The following CSMD1 variants were observed in gnomAD, a reference collection of about 807,000 sequenced individuals.
The protein encoded by CSMD1 is CUB and sushi domain-containing protein 1.
Under a neutral mutation model 417.5 loss-of-function variants are expected in CSMD1, and 213 were observed. The observed-to-expected ratio is 0.51, with a 90% CI of 0.46 to 0.57. CSMD1 has a LOEUF of 0.57. Ranked by LOEUF, CSMD1 falls within the 20% of genes least tolerant of loss-of-function variation. The pLI is 0.00. For missense variants in CSMD1, 6,923 were observed against 4,529.7 expected (o/e 1.53, Z -15.17); for synonymous variants, 2,862 against 1,736.8 (o/e 1.65, Z -16.11).
chr8:4,971,279 T>G (rs1810221385), intron 1 of CSMD1, among the ~76,000 whole-genome samples: 1 of 152,110 alleles, frequency 6.6e-6, no homozygotes, highest in Non-Finnish European at 1.5e-5. Context: ...TTATAAATGC[T>G]CTCAACATGG....
intron 26 of CSMD1, among the ~76,000 whole-genome samples, chr8:3,272,825 T>C (rs1801966773): frequency 6.6e-6 from 1 of 150,478 alleles, no homozygotes; most frequent in Non-Finnish European, 1.5e-5. Flanking sequence ...CTTAAGGAGA[T>C]TTTGGGCTGA....
At chr8:4,752,161 C>T (rs1811373921) in intron 1 of CSMD1, among the ~76,000 whole-genome samples, 2 of 151,906 alleles carry the variant, frequency 1.3e-5, no homozygotes, top group Non-Finnish European at 2.9e-5. Flanking sequence ...TCTTTAGTTC[C>T]TTACCACTTC....
Position 3,255,454 on chromosome 8 carries a change from C to T in CSMD1, c.4154-25223G>A, listed in dbSNP as rs576777815. 2.4e-4 allele frequency among the ~76,000 whole-genome samples: 36 copies of T among 152,332 alleles called. No homozygotes were observed. In the South Asian group the frequency reaches 6.8e-3, roughly 29 times the overall value. On this transcript the variant is annotated intron_variant, in intron 26 of 69. Transcript: ENST00000635120. ...TCTGCTGCCTTTTGTTGTCTGTGCC[C>T]TGCCCCCAGAGGTGGAGCCTACAGA...
chr8:2,962,226 G>T (rs1237135415), intron 61 of CSMD1, among the ~76,000 whole-genome samples: 1 of 152,204 alleles, frequency 6.6e-6, no homozygotes, highest in East Asian at 1.9e-4. Context: ...TGAGGTCAGA[G>T]AACAAAGTCT....
intron 7 of CSMD1, among the ~76,000 whole-genome samples, chr8:3,694,866 C>T (rs1387022875): frequency 6.6e-6 from 1 of 151,986 alleles, no homozygotes; most frequent in African/African-American, 2.4e-5. Flanking sequence ...ATCCTAAAGA[C>T]CATAGAAACC....
intron 26 of CSMD1, among the ~76,000 whole-genome samples, chr8:3,279,505 T>C (rs535297305): frequency 6.6e-6 from 1 of 152,328 alleles, no homozygotes; most frequent in Non-Finnish European, 1.5e-5. Context: ...TTTTTTAAAA[T>C]GCCACATGGT....
intron 5 of CSMD1, among the ~76,000 whole-genome samples, chr8:3,803,533 G>C (rs981382836): frequency 1.3e-5 from 2 of 152,192 alleles, no homozygotes; most frequent in Admixed American, 1.3e-4. Flanking sequence ...GCTGGGCCCA[G>C]GACAGAGGTA....
At chr8:4,316,494 C>G (rs1798939681) in intron 3 of CSMD1, among the ~76,000 whole-genome samples, 1 of 151,954 alleles carries the variant, frequency 6.6e-6, no homozygotes, top group Admixed American at 6.6e-5. Flanking sequence ...ATTTTTGCAC[C>G]AACCTATACA....
chr8:4,867,212 C>T (rs1482780505), intron 1 of CSMD1, among the ~76,000 whole-genome samples: 4 of 152,000 alleles, frequency 2.6e-5, no homozygotes, highest in African/African-American at 9.7e-5. Context: ...CAATCATTTG[C>T]CAAGCTAAGA....
chr8:3,812,601 G>C (rs886469596), intron 5 of CSMD1, among the ~76,000 whole-genome samples: 4 of 152,130 alleles, frequency 2.6e-5, no homozygotes, highest in Non-Finnish European at 4.4e-5. Flanking sequence ...ACGCTATAAA[G>C]GGCCAAAATG....
chr8:4,977,978 A>C (rs1403181585), intron 1 of CSMD1, among the ~76,000 whole-genome samples: 1 of 152,180 alleles, frequency 6.6e-6, no homozygotes, highest in African/African-American at 2.4e-5. Context: ...TGCTGTATTT[A>C]CGAGGTTTCC....
At chr8:4,710,464 T>TTATA (rs10660998) in intron 1 of CSMD1, among the ~76,000 whole-genome samples, 45,710 of 144,620 alleles carry the variant, frequency 0.32, 8,162 homozygotes, top group Non-Finnish European at 0.41. Context: ...TAATGGAATA[T>TTATA]TATATATATA....
At chr8:4,169,626 G>C (rs957064494) in intron 3 of CSMD1, among the ~76,000 whole-genome samples, 2 of 152,046 alleles carry the variant, frequency 1.3e-5, no homozygotes, top group African/African-American at 2.4e-5. Flanking sequence ...AAGTGCATCA[G>C]TCCCTTGCTG....
chr8:4,074,647 A>G (rs1799728587), intron 3 of CSMD1, among the ~76,000 whole-genome samples: 1 of 152,138 alleles, frequency 6.6e-6, no homozygotes, highest in African/African-American at 2.4e-5. Context: ...AATGTGAAAT[A>G]TCCATCCTTT....
intron 1 of CSMD1, among the ~76,000 whole-genome samples, chr8:4,857,378 C>T (rs547291323): frequency 2.6e-5 from 4 of 151,930 alleles, no homozygotes; most frequent in African/African-American, 9.7e-5. Context: ...AGAGCAAACA[C>T]ATTCAAAAGC....
chr8:3,409,360 T>A lies in CSMD1; in HGVS notation c.1744+63A>T, dbSNP rs1563357959. ...AAATGGGCGGTCTGTGTCTTTCTCC[T>A]TTTCTCCCCTTGCAAGATCCTTGCA... On this transcript the variant is annotated intron_variant, in intron 13 of 69. Coordinates refer to ENST00000635120, the MANE Select transcript of CSMD1 (RefSeq NM_033225.6). The A allele has an allele frequency of 2.1e-6, 3 of 1,409,486 alleles. No homozygotes were observed. In the Middle Eastern group the frequency reaches 6.5e-4, roughly 304 times the overall value. 87.3% of individuals were successfully genotyped at this position (1,409,486 alleles called of 1,614,324 possible).
chr8:4,030,975 G>A lies in CSMD1; in HGVS notation c.610+930C>T, dbSNP rs146184398. On this transcript the variant is annotated intron_variant, in intron 4 of 69. Transcript: ENST00000635120. ...CGTAACAAGAATCACCTTTGGTCCA[G>A]TTATGAACAAGTTTCTCATCTCCAT... Among the ~76,000 whole-genome samples, 153 of 152,260 alleles carry A rather than the reference G, an allele frequency of 1.0e-3. 1 individual carries two copies. The highest frequency in any genetic ancestry group is 3.6e-3 in the African/African-American group (151 of 41,556).
chr8:3,624,532 A>T (rs927396416), intron 7 of CSMD1, among the ~76,000 whole-genome samples: 1 of 152,212 alleles, frequency 6.6e-6, no homozygotes, highest in Admixed American at 6.5e-5. Context: ...AGATGTACAG[A>T]TGTATTTCAG....
intron 10 of CSMD1, among the ~76,000 whole-genome samples, chr8:3,557,915 C>T (rs1234042457): frequency 6.6e-6 from 1 of 152,130 alleles, no homozygotes; most frequent in Non-Finnish European, 1.5e-5. Flanking sequence ...GGTCAACTCC[C>T]TAAATAAATA....
Sources: gnomAD v4.1 joint callset for allele counts (sites outside exome capture counted in the v4.1 genomes callset) on GRCh38, gnomAD v4.1.1 for gene constraint, MANE v1.5 for transcripts, NCBI Gene and HGNC (gene_info 2026-07-23, HGNC 2026-07-21) for gene names.